ROCK1: variants seen among roughly 807,000 people sequenced by gnomAD.
ROCK1 encodes the protein rho-associated protein kinase 1.
Under a neutral mutation model 196.8 loss-of-function variants are expected in ROCK1, and 36 were observed. That is an observed-to-expected ratio of 0.18 (90% CI 0.14 to 0.24). ROCK1 has a LOEUF of 0.24. Ranked by LOEUF, ROCK1 falls within the 10% of genes least tolerant of loss-of-function variation. The probability of loss-of-function intolerance (pLI) is 1.00; values close to 1 mark genes in which losing one functional copy is unlikely to be tolerated. For missense variants in ROCK1, 920 were observed against 1,562.0 expected (o/e 0.59, Z 6.93); for synonymous variants, 443 against 515.9 (o/e 0.86, Z 1.91).
At chr18:21,046,912 T>C (rs1355901653) in intron 4 of ROCK1, among the ~76,000 whole-genome samples, 1 of 152,134 alleles carries the variant, frequency 6.6e-6, no homozygotes, top group Non-Finnish European at 1.5e-5. Context: ...TCAAGTGATC[T>C]TCCTGTCTCA....
At chr18:20,959,096 ATATATATT>A (rs2035291290) in intron 29 of ROCK1, among the ~76,000 whole-genome samples, 2 of 18,814 alleles carry the variant, frequency 1.1e-4, no homozygotes, top group East Asian at 1.8e-3. Context: ...TTTATATAAT[ATATATATT>A]ATATATATAT....
intron 9 of ROCK1, among the ~76,000 whole-genome samples, chr18:21,038,951 T>C (rs1294928651): frequency 6.6e-6 from 1 of 152,160 alleles, no homozygotes; most frequent in African/African-American, 2.4e-5. Context: ...TAGTTTCTTA[T>C]ACAATACATT....
Position 20,986,305 on chromosome 18 carries a change from C to T in ROCK1, c.2304+645G>A, listed in dbSNP as rs529325727. On this transcript the variant is annotated intron_variant, in intron 19 of 32. Coordinates refer to ENST00000399799, the MANE Select transcript of ROCK1 (RefSeq NM_005406.3). ...TTCCTTATGCATCTTCTTATCCAGC[C>T]GGTACTCACTTTATTATCCATCTCT... Among the ~76,000 whole-genome samples the T allele has an allele frequency of 3.3e-5, 5 of 152,284 alleles. No individual in the cohort carries two copies. In the South Asian group the frequency reaches 6.2e-4, roughly 19 times the overall value.
intron 2 of ROCK1, among the ~76,000 whole-genome samples, chr18:21,050,781 A>G (rs2036197424): frequency 6.6e-6 from 1 of 152,254 alleles, no homozygotes; most frequent in Admixed American, 6.5e-5. Flanking sequence ...CTACAAAGTT[A>G]TAAGTACCTT....
intron 1 of ROCK1, among the ~76,000 whole-genome samples, chr18:21,071,639 T>C (rs2036386701): frequency 1.3e-5 from 2 of 152,206 alleles, no homozygotes; most frequent in South Asian, 2.1e-4. Context: ...CAATCTTCAC[T>C]ATAAAGTCTC....
intron 2 of ROCK1, among the ~76,000 whole-genome samples, chr18:21,062,047 GGCTGGTATACAT>G: frequency 6.6e-6 from 1 of 152,286 alleles, no homozygotes; most frequent in Middle Eastern, 3.4e-3. Flanking sequence ...TATAGTCACA[GGCTGGTATACAT>G]GCATACATAT....
At chr18:20,985,862 A>AT (rs1020418864) in intron 19 of ROCK1, among the ~76,000 whole-genome samples, 38 of 151,816 alleles carry the variant, frequency 2.5e-4, no homozygotes, top group African/African-American at 8.7e-4. Context: ...TGCAAGTTTT[A>AT]TTTTTTATTT....
chr18:21,085,072 T>C (rs1165511233), intron 1 of ROCK1, among the ~76,000 whole-genome samples: 1 of 152,030 alleles, frequency 6.6e-6, no homozygotes, highest in Non-Finnish European at 1.5e-5. Context: ...GAAAGTAGAA[T>C]GGAGATTACC....
chr18:20,984,190 C>T (rs2035557890), intron 20 of ROCK1, among the ~76,000 whole-genome samples, 161 bp downstream of exon 20: 1 of 152,132 alleles, frequency 6.6e-6, no homozygotes, highest in Non-Finnish European at 1.5e-5. Flanking sequence ...CCTGAACTCC[C>T]CTGAAAACCT....
chr18:21,085,802 TAGTATC>T (rs2036521733), intron 1 of ROCK1, among the ~76,000 whole-genome samples: 2 of 152,234 alleles, frequency 1.3e-5, no homozygotes, highest in South Asian at 4.1e-4. Flanking sequence ...TAAAACAAGA[TAGTATC>T]AGTAACAACC....
intron 9 of ROCK1, among the ~76,000 whole-genome samples, chr18:21,036,356 A>T (rs2036056984): frequency 6.6e-6 from 1 of 152,232 alleles, no homozygotes; most frequent in Non-Finnish European, 1.5e-5. Context: ...CACAAACTAT[A>T]GGTTGATTAA....
intron 2 of ROCK1, among the ~76,000 whole-genome samples, chr18:21,066,037 T>C (rs999676255): frequency 4.6e-5 from 7 of 152,198 alleles, no homozygotes; most frequent in South Asian, 2.1e-4. Context: ...ACATCTGATA[T>C]ATGTCAGCAA....
At chr18:20,966,026 C>A (rs2035371136) in intron 27 of ROCK1, among the ~76,000 whole-genome samples, 1 of 152,132 alleles carries the variant, frequency 6.6e-6, no homozygotes, top group Non-Finnish European at 1.5e-5. Flanking sequence ...ATCCCAATAT[C>A]AAACATGCTG....
intron 14 of ROCK1, 54 bp downstream of exon 14, chr18:21,008,005 A>G: frequency 7.2e-7 from 1 of 1,381,642 alleles, no homozygotes; most frequent in Non-Finnish European, 9.8e-7. Flanking sequence ...ATTAAAGACA[A>G]CCTCATGACA....
intron 2 of ROCK1, among the ~76,000 whole-genome samples, chr18:21,052,840 AC>A (rs2036215072): frequency 6.6e-6 from 1 of 152,092 alleles, no homozygotes; most frequent in Non-Finnish European, 1.5e-5. Flanking sequence ...CTTCCACAAA[AC>A]TGGTCCCTGG....
intron 1 of ROCK1, among the ~76,000 whole-genome samples, chr18:21,102,442 T>C (rs927894315): frequency 2.0e-5 from 3 of 152,138 alleles, no homozygotes; most frequent in African/African-American, 7.2e-5. Flanking sequence ...AAGTGGGACA[T>C]GTTTGTTTTT....
intron 4 of ROCK1, among the ~76,000 whole-genome samples, chr18:21,047,720 G>C (rs2036172713): frequency 6.6e-6 from 1 of 152,054 alleles, no homozygotes; most frequent in African/African-American, 2.4e-5. Context: ...CGTGAACTCA[G>C]GGGGCAGAGC....
At chr18:21,065,406 C>T (rs1463208614) in intron 2 of ROCK1, among the ~76,000 whole-genome samples, 3 of 151,746 alleles carry the variant, frequency 2.0e-5, no homozygotes, top group Non-Finnish European at 4.4e-5. Flanking sequence ...CATTTATACC[C>T]GGAGGTTCAT....
chr18:21,034,680 A>C (rs1387976943), intron 9 of ROCK1, among the ~76,000 whole-genome samples: 1 of 152,212 alleles, frequency 6.6e-6, no homozygotes, highest in East Asian at 1.9e-4. Context: ...TACTAGCTGA[A>C]ACTATAAAAT....
Sources: gnomAD v4.1 joint callset for allele counts (sites outside exome capture counted in the v4.1 genomes callset) on GRCh38, gnomAD v4.1.1 for gene constraint, MANE v1.5 for transcripts, NCBI Gene and HGNC (gene_info 2026-07-23, HGNC 2026-07-21) for gene names.